CASZ1: variants seen among roughly 807,000 people sequenced by gnomAD.
CASZ1 encodes the protein zinc finger protein castor homolog 1.
A neutral mutation model predicts 135.2 loss-of-function variants in CASZ1; 28 were observed. The ratio of observed to expected loss-of-function variants is 0.21; its 90% CI spans 0.15 to 0.28. CASZ1 has a LOEUF of 0.28. CASZ1 is among the 10% of genes least tolerant of loss of function. The pLI, the probability that CASZ1 is intolerant of heterozygous loss-of-function variation, is 1.00. For synonymous variants in CASZ1, 1,068 were observed against 1,073.4 expected (o/e 0.99, Z 0.10); for missense variants, 2,161 against 2,453.3 (o/e 0.88, Z 2.52).
Position 10,777,245 on chromosome 1 carries a change from G to C in CASZ1, c.-233-16388C>G, listed in dbSNP as rs1008210721. ...AGCCCACCCGAGCCTCGGAAGCTCA[G>C]CTGGGAATCTGTTCCTGAGGACAGG... On this transcript the variant is annotated intron_variant, in intron 1 of 20. Coordinates refer to ENST00000377022, the MANE Select transcript of CASZ1 (RefSeq NM_001079843.3). The surrounding 1 kb of genome is among the most constrained non-coding windows in gnomAD (Gnocchi z 4.4). 6.6e-6 allele frequency among the ~76,000 whole-genome samples: 1 copy of C among 152,156 alleles called. No individual in the cohort carries two copies. The highest frequency in any genetic ancestry group is 1.5e-5 in the Non-Finnish European group (1 of 68,036).
intron 4 of CASZ1, among the ~76,000 whole-genome samples, chr1:10,677,057 T>A (rs1054737219): frequency 1.3e-5 from 2 of 152,282 alleles, no homozygotes; most frequent in Non-Finnish European, 2.9e-5. Context: ...CCCTCTTTCC[T>A]GGGCAGAGCC....
chr1:10,661,811 CCA>C (rs1473925965), intron 5 of CASZ1, among the ~76,000 whole-genome samples: 3 of 145,894 alleles, frequency 2.1e-5, no homozygotes, highest in African/African-American at 5.1e-5. Context: ...ACACACACAC[CCA>C]CAGTCACATG....
rs1639868411 is a variant in CASZ1, at chr1:10,739,325, CTG to C, written c.-77+21374_-77+21375del. ...GCAGGTGAAGCTCACATGTGCCACT[CTG>C]TGAGTGTCACCGCGAGGGAAACCCT... On this transcript the variant is annotated intron_variant, in intron 2 of 20. Transcript: ENST00000377022. The surrounding 1 kb of genome is among the most constrained non-coding windows in gnomAD (Gnocchi z 4.8). Among the ~76,000 whole-genome samples, 1 of 152,128 alleles carries C rather than the reference CTG, an allele frequency of 6.6e-6. No individual in the cohort carries two copies. The highest frequency in any genetic ancestry group is 1.5e-5 in the Non-Finnish European group (1 of 67,992).
At chr1:10,648,215 A>G (rs971817183) in intron 15 of CASZ1, 76 bp from the exon 16 acceptor site, 4 of 1,049,448 alleles carry the variant, frequency 3.8e-6, no homozygotes, top group Non-Finnish European at 5.4e-6. Flanking sequence ...TGACCCCATC[A>G]CAGGCCTAGA....
intron 18 of CASZ1, among the ~76,000 whole-genome samples, chr1:10,644,495 T>C (rs945702837): frequency 1.3e-5 from 2 of 152,070 alleles, no homozygotes; most frequent in African/African-American, 2.4e-5. Flanking sequence ...AATGGATGAA[T>C]GGAAGAACAA....
chr1:10,657,774 C>A lies in CASZ1; in HGVS notation c.1409+734G>T, dbSNP rs1263135310. The stretch of plus-strand genomic sequence containing the variant: ...ACAGGCGCCAGCCGCTGGGTGCTGC[C>A]CCATCAGAGGGCAGGCGGTGGGGGG... On this transcript the variant is annotated intron_variant, in intron 7 of 20. Transcript: ENST00000377022. The surrounding 1 kb of genome is among the most constrained non-coding windows in gnomAD (Gnocchi z 5.7). Among the ~76,000 whole-genome samples the A allele has an allele frequency of 1.4e-5, 2 of 141,020 alleles. No individual in the cohort carries two copies. Among genetic ancestry groups the A allele is most frequent in the African/African-American group, 5.5e-5 (2 of 36,674 alleles). 92.5% of individuals were successfully genotyped at this position (141,020 alleles called of 152,430 possible). A position where few individuals can be genotyped will look rare whatever the true frequency, so the allele number is the denominator to read the frequency against.
chr1:10,708,635 C>A (rs1010239404), intron 2 of CASZ1, among the ~76,000 whole-genome samples: 2 of 152,192 alleles, frequency 1.3e-5, no homozygotes, highest in Non-Finnish European at 2.9e-5. Context: ...CCTCATCCAG[C>A]CCTTCTCCTG....
At chr1:10,677,588 GCA>G (rs1287511146) in intron 4 of CASZ1, among the ~76,000 whole-genome samples, 2 of 152,216 alleles carry the variant, frequency 1.3e-5, no homozygotes, top group Non-Finnish European at 2.9e-5. Context: ...TGTCCTAGGT[GCA>G]CAGAACTTTA....
At chr1:10,790,014 C>G (rs1177150737) in intron 1 of CASZ1, among the ~76,000 whole-genome samples, 1 of 152,168 alleles carries the variant, frequency 6.6e-6, no homozygotes, top group Admixed American at 6.5e-5. Flanking sequence ...CCCCAGTGGC[C>G]TCCTGCTGCT....
intron 2 of CASZ1, among the ~76,000 whole-genome samples, chr1:10,723,839 T>C (rs1639548369): frequency 6.6e-6 from 1 of 152,154 alleles, no homozygotes; most frequent in Admixed American, 6.5e-5. Context: ...GCTCTCACGG[T>C]CAGCTTCAGT....
At chr1:10,745,495 G>A (rs113841566) in intron 2 of CASZ1, among the ~76,000 whole-genome samples, 4,622 of 152,264 alleles carry the variant, frequency 0.03, 106 homozygotes, top group Non-Finnish European at 0.048. Context: ...GGGCAGGGCC[G>A]GCTTCCTGGG....
intron 8 of CASZ1, 21 bp from the exon 9 acceptor site, chr1:10,655,834 G>A (rs200948690): frequency 1.3e-4 from 209 of 1,609,496 alleles, no homozygotes; most frequent in South Asian, 9.1e-4. Flanking sequence ...ACAGCGCCAC[G>A]TGGGCAGGAG....
rs1375575852 is a variant in CASZ1 at position 10,666,417 on chromosome 1, TTCCTAGGGCCACTTGTCCCTA to T, written c.17-867_17-847del. The stretch of plus-strand genomic sequence containing the variant: ...ATCCAAGTGGAGTTCCTCATGGCAC[TTCCTAGGGCCACTTGTCCCTA>T]TCCTAGGACCTTGCTCCCCAGCCTC... On this transcript the variant is annotated intron_variant, in intron 4 of 20. Coordinates refer to ENST00000377022, the MANE Select transcript of CASZ1 (RefSeq NM_001079843.3). This position sits in a 1 kb window ranked among gnomAD's most constrained non-coding sequence, Gnocchi z 5.2. Among the ~76,000 whole-genome samples, 3 of 152,128 alleles carry T rather than the reference TTCCTAGGGCCACTTGTCCCTA, an allele frequency of 2.0e-5. No individual in the cohort carries two copies. The East Asian group carries it at 5.8e-4, about 29-fold the overall frequency.
At chr1:10,764,306 C>A (rs1640432791) in intron 1 of CASZ1, among the ~76,000 whole-genome samples, 1 of 152,254 alleles carries the variant, frequency 6.6e-6, no homozygotes, top group Non-Finnish European at 1.5e-5. Context: ...TCCCCTCCAA[C>A]CAATTCCAAT....
At chr1:10,722,630 C>T (rs1158426046) in intron 2 of CASZ1, among the ~76,000 whole-genome samples, 1 of 152,262 alleles carries the variant, frequency 6.6e-6, no homozygotes, top group African/African-American at 2.4e-5. Context: ...CACAGGGGGG[C>T]AGCTAAGAGG....
rs1407913146 is a variant in CASZ1, at chr1:10,747,703, T to C, written c.-77+12998A>G. Among the ~76,000 whole-genome samples the C allele has an allele frequency of 1.3e-5, 2 of 152,144 alleles. No individual in the cohort carries two copies. The highest frequency in any genetic ancestry group is 2.4e-5 in the African/African-American group (1 of 41,420). The stretch of plus-strand genomic sequence containing the variant: ...CACTGAAGACCCCCACTCTGCTCTC[T>C]TGTGGGTCACTGCAGCTGCCTGGAA... On this transcript the variant is annotated intron_variant, in intron 2 of 20. Transcript: ENST00000377022. This position sits in a 1 kb window ranked among gnomAD's most constrained non-coding sequence, Gnocchi z 4.3.
chr1:10,661,782 AAC>A (rs1383162374), intron 5 of CASZ1, among the ~76,000 whole-genome samples: 3 of 151,288 alleles, frequency 2.0e-5, no homozygotes, highest in Non-Finnish European at 4.4e-5. Context: ...ATGCATTCAC[AAC>A]ACACACATCC....
chr1:10,665,490 G>A lies in CASZ1; in HGVS notation c.98C>T (p.Ala33Val). 2 of 1,606,806 alleles carry A rather than the reference G, an allele frequency of 1.2e-6. No homozygotes were observed. Among genetic ancestry groups the A allele is most frequent in the Non-Finnish European group, 8.5e-7 (1 of 1,179,578 alleles). The change falls in exon 5 of 21, where the codon GCC becomes GTC. Residue 33 changes from alanine (A) to valine (V), a missense_variant. Ala to Val is a moderately conservative substitution (Grantham distance 64). This residue lies in a region of CASZ1 where 590 missense variants were observed against 609.8 expected (regional missense o/e 0.97). Coordinates refer to ENST00000377022, the MANE Select transcript of CASZ1 (RefSeq NM_001079843.3). ...PKRKGGLKLN[A>V]ICAKLSRQVV... is the part of the protein sequence containing the mutation. ...CTGGCGGCTCAGCTTGGCGCAGATG[G>A]CGTTCAGCTTCAGGCCACCCTTGCG...
At chr1:10,689,478 G>A (rs1638699293) in intron 4 of CASZ1, among the ~76,000 whole-genome samples, 1 of 152,248 alleles carries the variant, frequency 6.6e-6, no homozygotes, top group Admixed American at 6.5e-5. Flanking sequence ...CACATTCAGT[G>A]CCTTTCTTGG....
Sources: gnomAD v4.1 joint callset for allele counts (sites outside exome capture counted in the v4.1 genomes callset) on GRCh38, gnomAD v4.1.1 for gene constraint, gnomAD v4.1.1 regional missense constraint, Gnocchi (gnomAD v3.1) non-coding constraint, MANE v1.5 for transcripts, NCBI Gene and HGNC (gene_info 2026-07-23, HGNC 2026-07-21) for gene names.